The following CNTNAP5 variants were observed in gnomAD, a reference collection of about 807,000 sequenced individuals.
The protein encoded by CNTNAP5 is contactin associated protein family member 5, also known as contactin-associated protein-like 5.
Under a neutral mutation model 150.2 loss-of-function variants are expected in CNTNAP5, and 72 were observed. That is an observed-to-expected ratio of 0.48 (90% confidence interval 0.40 to 0.58). The LOEUF (loss-of-function observed/expected upper bound fraction) is 0.58, where lower values mean the gene tolerates loss of function less well. Among genes scored for constraint, CNTNAP5 ranks in the 20% least tolerant of loss-of-function variants. The pLI is 0.00. For missense variants in CNTNAP5, 1,636 were observed against 1,626.2 expected (o/e 1.01, Z -0.10); for synonymous variants, 672 against 619.8 (o/e 1.08, Z -1.25).
intron 12 of CNTNAP5, among the ~76,000 whole-genome samples, chr2:124,638,956 C>T (rs1412345691): frequency 2.0e-5 from 3 of 152,074 alleles, no homozygotes; most frequent in Non-Finnish European, 2.9e-5. Context: ...TCCAATATTC[C>T]GCTATTTGCA....
chr2:124,729,077 G>A (rs1470396245), intron 13 of CNTNAP5, among the ~76,000 whole-genome samples: 3 of 152,048 alleles, frequency 2.0e-5, no homozygotes, highest in Admixed American at 6.6e-5. Flanking sequence ...ACCTTACCAG[G>A]CCTTTTAGTA....
intron 11 of CNTNAP5, among the ~76,000 whole-genome samples, chr2:124,593,275 T>A: frequency 7.6e-6 from 1 of 132,208 alleles, no homozygotes. Flanking sequence ...CCCAATGCTA[T>A]CCCTCCCCCC....
intron 11 of CNTNAP5, among the ~76,000 whole-genome samples, chr2:124,583,187 G>C (rs778685797): frequency 3.9e-5 from 6 of 152,152 alleles, no homozygotes; most frequent in Non-Finnish European, 8.8e-5. Flanking sequence ...TTCCATTGCT[G>C]GTGCTACAGG....
At chr2:124,659,761 G>T (rs147420378) in intron 13 of CNTNAP5, among the ~76,000 whole-genome samples, 1 of 152,146 alleles carries the variant, frequency 6.6e-6, no homozygotes, top group East Asian at 1.9e-4. Context: ...TGTGAGCAAG[G>T]TATACAGGGC....
intron 13 of CNTNAP5, among the ~76,000 whole-genome samples, chr2:124,720,684 A>C (rs925298852): frequency 6.6e-6 from 1 of 152,220 alleles, no homozygotes; most frequent in East Asian, 1.9e-4. Context: ...TGAGATCCTG[A>C]GAATAAAAAC....
chr2:124,660,315 G>A (rs1017199821), intron 13 of CNTNAP5, among the ~76,000 whole-genome samples: 3 of 152,118 alleles, frequency 2.0e-5, no homozygotes, highest in Non-Finnish European at 4.4e-5. Flanking sequence ...TGGAGGTGAT[G>A]CGTCATAGGA....
At chr2:124,575,772 G>T (rs1425331245) in intron 11 of CNTNAP5, among the ~76,000 whole-genome samples, 1 of 152,160 alleles carries the variant, frequency 6.6e-6, no homozygotes, top group Admixed American at 6.6e-5. Context: ...CCTAAACCAG[G>T]TCTGGAATAT....
chr2:124,259,747 CA>C (rs933955131), intron 3 of CNTNAP5, among the ~76,000 whole-genome samples: 3 of 152,116 alleles, frequency 2.0e-5, no homozygotes, highest in Non-Finnish European at 2.9e-5. Flanking sequence ...GCCAAATCAT[CA>C]GTGAACTCCC....
chr2:124,112,585 A>G lies in CNTNAP5; in HGVS notation c.82+86853A>G, dbSNP rs191642533. Among the ~76,000 whole-genome samples the G allele has an allele frequency of 3.3e-5, 5 of 152,306 alleles. No individual in the cohort carries two copies. The East Asian group carries it at 9.6e-4, about 29-fold the overall frequency. Reference sequence around the variant, plus strand: ...AATCTTTATAAAATTTTGTGCTCCTAAAGATAAACTCATGAAACAAAAATA... The same window carrying G: ...AATCTTTATAAAATTTTGTGCTCCTGAAGATAAACTCATGAAACAAAAATA... On this transcript the variant is annotated intron_variant, in intron 1 of 23. Transcript: ENST00000682447.
intron 11 of CNTNAP5, among the ~76,000 whole-genome samples, chr2:124,563,781 G>A (rs1352531903): frequency 1.3e-5 from 2 of 152,208 alleles, no homozygotes; most frequent in Non-Finnish European, 2.9e-5. Context: ...CTTGTTCTTA[G>A]ATGGTAACAA....
rs751497271 is a variant in CNTNAP5 at position 124,914,231 on chromosome 2, A to G, written c.3867A>G (p.Arg1289=). 6.2e-7 allele frequency: 1 copy of G among 1,612,634 alleles called. No homozygotes were observed. ...CAGAAAATTTGGACAGTTCCTTCAG[A>G]AATGAAATTGACTTGCAAAACACAG... ...EYPENLDSSF[R]NEIDLQNTVS... The change falls in exon 24 of 24, where the codon AGA becomes AGG. Residue 1289 remains arginine, a synonymous_variant. Coordinates refer to ENST00000682447, the MANE Select transcript of CNTNAP5 (RefSeq NM_001367498.1).
intron 1 of CNTNAP5, among the ~76,000 whole-genome samples, chr2:124,175,636 A>T (rs1685047302): frequency 3.3e-5 from 5 of 152,114 alleles, no homozygotes; most frequent in Admixed American, 3.3e-4. Flanking sequence ...CTTTATGGAC[A>T]CCACACCCAA....
In CNTNAP5 at chr2:124,387,477, T is replaced by C. The variant is rs536612999; in HGVS notation, c.382-29966T>C. 4.3e-3 allele frequency among the ~76,000 whole-genome samples: 657 copies of C among 152,258 alleles called. 4 individuals carry two copies. The highest frequency in any genetic ancestry group is 0.01 in the Middle Eastern group (3 of 294). On this transcript the variant is annotated intron_variant, in intron 3 of 23. Transcript: ENST00000682447. ...CGAAAAGAGAGTCAGCGAAGGGAGA[T>C]GGATTATCATTAGTTCTTATAGGTT...
At chr2:124,391,270 G>A (rs922695618) in intron 3 of CNTNAP5, among the ~76,000 whole-genome samples, 1 of 152,266 alleles carries the variant, frequency 6.6e-6, no homozygotes, top group Admixed American at 6.5e-5. Flanking sequence ...GGATATTTTA[G>A]ATCTTTGAGA....
At chr2:124,615,030 T>C (rs995283076) in intron 12 of CNTNAP5, among the ~76,000 whole-genome samples, 1 of 152,162 alleles carries the variant, frequency 6.6e-6, no homozygotes, top group Non-Finnish European at 1.5e-5. Flanking sequence ...AAAAATACTT[T>C]ACTGCTAAAA....
At chr2:124,387,866 C>T (rs1690970851) in intron 3 of CNTNAP5, among the ~76,000 whole-genome samples, 1 of 152,138 alleles carries the variant, frequency 6.6e-6, no homozygotes. Context: ...CTTCCACAGC[C>T]CTCCTATCTT....
intron 3 of CNTNAP5, among the ~76,000 whole-genome samples, chr2:124,405,429 T>A (rs1453186248): frequency 6.6e-6 from 1 of 152,108 alleles, no homozygotes; most frequent in African/African-American, 2.4e-5. Flanking sequence ...CTGCAATTAC[T>A]TGGTTGCAGA....
intron 17 of CNTNAP5, among the ~76,000 whole-genome samples, chr2:124,773,650 C>A (rs1681253762): frequency 6.6e-6 from 1 of 152,136 alleles, no homozygotes; most frequent in African/African-American, 2.4e-5. Context: ...TCACTACTTT[C>A]ATTCCACTCA....
intron 10 of CNTNAP5, among the ~76,000 whole-genome samples, chr2:124,556,163 T>G (rs1389871458): frequency 1.3e-5 from 2 of 152,184 alleles, no homozygotes; most frequent in Non-Finnish European, 2.9e-5. Flanking sequence ...AAGGAGGATG[T>G]GCAGTGCTCT....
Sources: gnomAD v4.1 joint callset for allele counts (sites outside exome capture counted in the v4.1 genomes callset) on GRCh38, gnomAD v4.1.1 for gene constraint, MANE v1.5 for transcripts, NCBI Gene and HGNC (gene_info 2026-07-23, HGNC 2026-07-21) for gene names.